RHEB: variants seen among roughly 807,000 people sequenced by gnomAD.
The protein encoded by RHEB is Ras homolog, mTORC1 binding, also known as GTP-binding protein Rheb.
RHEB carries 2 observed loss-of-function variants against 28.8 expected under a neutral mutation model. The observed-to-expected ratio is 0.07, with a 90% CI of 0.03 to 0.22. The LOEUF (loss-of-function observed/expected upper bound fraction) is 0.22. Among genes scored for constraint, RHEB ranks in the 10% least tolerant of loss-of-function variants. The probability of loss-of-function intolerance (pLI) is 1.00; values close to 1 mark genes in which losing one functional copy is unlikely to be tolerated. For synonymous variants in RHEB, 69 were observed against 77.3 expected (o/e 0.89, Z 0.56); for missense variants, 76 against 219.9 (o/e 0.35, Z 4.14).
intron 4 of RHEB, among the ~76,000 whole-genome samples, chr7:151,473,336 C>T (rs1802199094): frequency 6.6e-6 from 1 of 152,204 alleles, no homozygotes; most frequent in African/African-American, 2.4e-5. Context: ...TCAACCCTGT[C>T]AAGAGCCACG....
intron 7 of RHEB, 75 bp from the exon 8 acceptor site, chr7:151,467,286 G>T (rs1802084313): frequency 1.8e-6 from 2 of 1,122,240 alleles, no homozygotes; most frequent in Admixed American, 1.8e-5. Context: ...GACTGAGGAG[G>T]GCGTGCCGCC....
At chr7:151,488,571 C>T (rs1055616446) in intron 2 of RHEB, among the ~76,000 whole-genome samples, 15 of 152,126 alleles carry the variant, frequency 9.9e-5, no homozygotes, top group Non-Finnish European at 2.9e-5. Context: ...AAAGGGTGGG[C>T]GAAGGGCTCC....
At chr7:151,503,016 T>C (rs1446177471) in intron 1 of RHEB, 6 of 783,168 alleles carry the variant, frequency 7.7e-6, no homozygotes, top group East Asian at 4.9e-5. Context: ...AAGAAATCAA[T>C]AGAACGATAC....
intron 3 of RHEB, among the ~76,000 whole-genome samples, chr7:151,480,212 T>C (rs1802357986): frequency 6.6e-6 from 1 of 152,098 alleles, no homozygotes; most frequent in South Asian, 2.1e-4. Context: ...ACGTCCGGGA[T>C]GTTCATTAAG....
At chr7:151,514,055 A>C (rs1803034695) in intron 1 of RHEB, among the ~76,000 whole-genome samples, 1 of 152,226 alleles carries the variant, frequency 6.6e-6, no homozygotes, top group East Asian at 1.9e-4. Flanking sequence ...GGACAGACAT[A>C]CAGATCAATG....
rs186491384 is a variant in RHEB, at chr7:151,489,855, G to A, written c.124+1088C>T. ...CTTGGTCTGTATAAAGACAGGAAAT[G>A]GGCCTTGCTGGCCTGCAGGCTGTCG... On this transcript the variant is annotated intron_variant, in intron 2 of 7. Coordinates refer to ENST00000262187, the MANE Select transcript of RHEB (RefSeq NM_005614.4). Among the ~76,000 whole-genome samples the A allele has an allele frequency of 1.2e-4, 18 of 152,360 alleles. No homozygotes were observed. The East Asian group carries it at 3.1e-3, about 26-fold the overall frequency.
chr7:151,475,945 CAT>C (rs1171488528), intron 4 of RHEB, among the ~76,000 whole-genome samples: 1 of 152,090 alleles, frequency 6.6e-6, no homozygotes, highest in African/African-American at 2.4e-5. Context: ...CCAGAAAAAA[CAT>C]ATACCAAGAT....
chr7:151,507,114 T>G (rs180959919), intron 1 of RHEB, among the ~76,000 whole-genome samples: 1 of 152,260 alleles, frequency 6.6e-6, no homozygotes, highest in Non-Finnish European at 1.5e-5. Flanking sequence ...TAAAGCAGAC[T>G]TGGTTTGTAA....
chr7:151,492,998 C>T (rs769573010), intron 1 of RHEB, among the ~76,000 whole-genome samples: 8 of 151,962 alleles, frequency 5.3e-5, no homozygotes, highest in Non-Finnish European at 1.2e-4. Context: ...CGCCACCACA[C>T]CTGACTAATT....
intron 4 of RHEB, among the ~76,000 whole-genome samples, chr7:151,476,984 C>T (rs962429058): frequency 1.3e-5 from 2 of 152,204 alleles, no homozygotes; most frequent in Non-Finnish European, 2.9e-5. Context: ...CAAACCCCCA[C>T]ATTTTATTAG....
chr7:151,467,290 T>G, intron 7 of RHEB, 79 bp from the exon 8 acceptor site: 1 of 1,050,326 alleles, frequency 9.5e-7, no homozygotes, highest in Non-Finnish European at 1.5e-6. Flanking sequence ...GAGGAGGGCG[T>G]GCCGCCTGCC....
At chr7:151,467,538 A>C (rs1439444892) in intron 7 of RHEB, among the ~76,000 whole-genome samples, 1 of 139,980 alleles carries the variant, frequency 7.1e-6, no homozygotes, top group Non-Finnish European at 1.6e-5. Context: ...GTGTCCTCTG[A>C]CCTCAGGGTC....
chr7:151,516,953 T>C (rs1274659534), intron 1 of RHEB, among the ~76,000 whole-genome samples: 1 of 152,188 alleles, frequency 6.6e-6, no homozygotes, highest in East Asian at 1.9e-4. Context: ...GAAGTGAGCA[T>C]GCTGAGTAAT....
intron 4 of RHEB, 179 bp from the exon 5 acceptor site, chr7:151,471,784 G>C: frequency 1.8e-6 from 1 of 545,076 alleles, no homozygotes; most frequent in Non-Finnish European, 3.3e-6. Context: ...GCATACATCT[G>C]ACACTCAGCA....
chr7:151,480,431 T>G (rs1307083791), intron 3 of RHEB, among the ~76,000 whole-genome samples: 1 of 151,900 alleles, frequency 6.6e-6, no homozygotes, highest in Non-Finnish European at 1.5e-5. Flanking sequence ...AAAACTATAT[T>G]TGCATATTCA....
Position 151,491,007 on chromosome 7 carries a change from G to A in RHEB, c.60C>T (p.Ser20=), listed in dbSNP as rs972475059. Residue 20 remains serine (S), a synonymous_variant, in exon 2 of 8, where the codon TCC becomes TCT. Transcript: ENST00000262187. ...AILGYRSVGK[S]SLTIQFVEGQ... is the part of the protein sequence containing the mutation. The stretch of plus-strand genomic sequence containing the variant: ...CTTCAACAAATTGAATCGTCAATGA[G>A]GATTTCCCTATAAAAGAGAACAAGA... 9.3e-6 allele frequency: 15 copies of A among 1,610,650 alleles called. No homozygotes were observed. The highest frequency in any genetic ancestry group is 1.7e-5 in the Admixed American group (1 of 60,008).
chr7:151,501,990 C>A, intron 1 of RHEB: 1 of 568,894 alleles, frequency 1.8e-6, no homozygotes, highest in Non-Finnish European at 3.3e-6. Context: ...GTAATCCCAG[C>A]ACTTTGAGGC....
At chr7:151,484,322 T>A (rs1273698795) in intron 3 of RHEB, among the ~76,000 whole-genome samples, 1 of 152,228 alleles carries the variant, frequency 6.6e-6, no homozygotes, top group Non-Finnish European at 1.5e-5. Flanking sequence ...ACCACTATCC[T>A]GTAATAAGTA....
chr7:151,479,553 G>C (rs905421045), intron 3 of RHEB, among the ~76,000 whole-genome samples: 3 of 151,900 alleles, frequency 2.0e-5, no homozygotes, highest in Admixed American at 6.6e-5. Flanking sequence ...CGTGGTGGCG[G>C]GCGCCTGTAG....
Sources: allele counts gnomAD v4.1 joint callset (sites outside exome capture counted in the v4.1 genomes callset), GRCh38; gene constraint gnomAD v4.1.1; transcripts MANE v1.5; gene names NCBI Gene and HGNC (gene_info 2026-07-23, HGNC 2026-07-21).